The following DLGAP1 variants were observed in gnomAD, a reference collection of about 807,000 sequenced individuals.
DLGAP1 encodes the protein disks large-associated protein 1.
Under a neutral mutation model 90.8 loss-of-function variants are expected in DLGAP1, and 11 were observed. The observed-to-expected ratio is 0.12, with a 90% confidence interval of 0.08 to 0.20. DLGAP1 has a LOEUF of 0.20. Among genes scored for constraint, DLGAP1 ranks in the 10% least tolerant of loss-of-function variants. The pLI is 1.00. For missense variants in DLGAP1, 1,050 were observed against 1,333.8 expected, an observed-to-expected ratio of 0.79 and a Z score of 3.31; for synonymous variants, 558 against 540.7, an observed-to-expected ratio of 1.03 and a Z score of -0.44.
At chr18:3,823,121 C>T (rs992250555) in intron 4 of DLGAP1, among the ~76,000 whole-genome samples, 1 of 152,198 alleles carries the variant, frequency 6.6e-6, no homozygotes, top group African/African-American at 2.4e-5. Context: ...CCTGATTTTG[C>T]TTTGGGAAAA....
At chr18:3,843,507 T>C (rs1207271968) in intron 4 of DLGAP1, among the ~76,000 whole-genome samples, 1 of 152,202 alleles carries the variant, frequency 6.6e-6, no homozygotes, top group Non-Finnish European at 1.5e-5. Flanking sequence ...AAATTGAACA[T>C]AGATCAATCT....
At chr18:3,539,846 T>A (rs2052584463) in intron 9 of DLGAP1, among the ~76,000 whole-genome samples, 1 of 152,192 alleles carries the variant, frequency 6.6e-6, no homozygotes, top group South Asian at 2.1e-4. Flanking sequence ...AGTCTTTCCA[T>A]CATAGAATCC....
Position 3,707,737 on chromosome 18 carries a change from A to G in DLGAP1, c.1591+21398T>C, listed in dbSNP as rs566209492. Among the ~76,000 whole-genome samples, 35 of 152,298 alleles carry G rather than the reference A, an allele frequency of 2.3e-4. 1 individual carries two copies. In the South Asian group the frequency reaches 5.0e-3, roughly 22 times the overall value. On this transcript the variant is annotated intron_variant, in intron 7 of 12. Coordinates refer to ENST00000315677, the MANE Select transcript of DLGAP1 (RefSeq NM_004746.4). ...CATTGGTGCTGCGTTCCTGGAAGGT[A>G]GAAATCAGTTTCTATGAAGGCAAGG...
At chr18:4,377,724 A>T (rs531360165) in intron 1 of DLGAP1, among the ~76,000 whole-genome samples, 87 of 152,232 alleles carry the variant, frequency 5.7e-4, no homozygotes, top group African/African-American at 2.0e-3. Flanking sequence ...AAGCCAAAAA[A>T]ATTCTTAATA....
intron 7 of DLGAP1, among the ~76,000 whole-genome samples, chr18:3,720,908 A>AAAAAAAAAAAAAAAAAG: frequency 6.7e-6 from 1 of 149,758 alleles, no homozygotes; most frequent in Non-Finnish European, 1.5e-5. Flanking sequence ...AAAAAAAAAA[A>AAAAAAAAAAAAAAAAAG]ATTAGCTGGG....
intron 1 of DLGAP1, among the ~76,000 whole-genome samples, chr18:4,321,207 G>A (rs945286816): frequency 2.0e-5 from 3 of 152,120 alleles, no homozygotes; most frequent in Admixed American, 6.5e-5. Flanking sequence ...TTATAAATAT[G>A]TAAGATTAAT....
intron 1 of DLGAP1, among the ~76,000 whole-genome samples, chr18:4,167,005 T>C (rs1359890171): frequency 6.6e-6 from 1 of 152,158 alleles, no homozygotes; most frequent in Non-Finnish European, 1.5e-5. Context: ...GTACACTTAA[T>C]GATGGTTAAA....
intron 5 of DLGAP1, among the ~76,000 whole-genome samples, chr18:3,770,595 T>G (rs2064482760): frequency 6.6e-6 from 1 of 152,000 alleles, no homozygotes; most frequent in African/African-American, 2.4e-5. Flanking sequence ...AAATTTATAC[T>G]TAGAGAAAAT....
At chr18:4,052,317 T>C (rs112278031) in intron 2 of DLGAP1, among the ~76,000 whole-genome samples, 337 of 152,332 alleles carry the variant, frequency 2.2e-3, no homozygotes, top group African/African-American at 7.4e-3. Flanking sequence ...CATTTCCATA[T>C]GTCCTTTGAA....
chr18:3,854,538 A>G (rs2069519997), intron 4 of DLGAP1, among the ~76,000 whole-genome samples: 1 of 152,248 alleles, frequency 6.6e-6, no homozygotes, highest in African/African-American at 2.4e-5. Context: ...AATTATAGTA[A>G]TAAACGAATA....
At chr18:3,632,730 A>T (rs951501142) in intron 7 of DLGAP1, among the ~76,000 whole-genome samples, 3 of 152,042 alleles carry the variant, frequency 2.0e-5, no homozygotes, top group Admixed American at 1.3e-4. Flanking sequence ...TTATTTTGGA[A>T]GGTTATATGT....
intron 5 of DLGAP1, among the ~76,000 whole-genome samples, chr18:3,812,356 G>A (rs751657909): frequency 2.1e-5 from 3 of 140,518 alleles, no homozygotes; most frequent in Non-Finnish European, 4.7e-5. Flanking sequence ...ACTTGTTTCT[G>A]TTTTTTATTT....
At chr18:4,266,768 C>A (rs2145316396) in intron 1 of DLGAP1, among the ~76,000 whole-genome samples, 1 of 152,212 alleles carries the variant, frequency 6.6e-6, no homozygotes, top group South Asian at 2.1e-4. Context: ...CAACAATGAT[C>A]AAAAATCAAC....
At chr18:3,650,730 ATC>A (rs2059267656) in intron 7 of DLGAP1, among the ~76,000 whole-genome samples, 1 of 152,188 alleles carries the variant, frequency 6.6e-6, no homozygotes, top group Non-Finnish European at 1.5e-5. Flanking sequence ...GCTCTATCCT[ATC>A]TCTGTCAGTT....
rs2083923832 is a variant in DLGAP1, at chr18:4,454,580, G to A, written c.-267+426C>T. 6.6e-6 allele frequency among the ~76,000 whole-genome samples: 1 copy of A among 152,138 alleles called. No homozygotes were observed. The highest frequency in any genetic ancestry group is 1.5e-5 in the Non-Finnish European group (1 of 68,014). ...GGAGCCTGCCGAGAAAGCCCTGCGG[G>A]GAGCAGCCCCCTCCTCCCCTGCAAG... On this transcript the variant is annotated intron_variant, in intron 1 of 12. Transcript: ENST00000315677. This position sits in a 1 kb window ranked among gnomAD's most constrained non-coding sequence, Gnocchi z 4.7.
intron 9 of DLGAP1, among the ~76,000 whole-genome samples, chr18:3,563,848 A>G (rs2054286808): frequency 6.6e-6 from 1 of 152,170 alleles, no homozygotes; most frequent in South Asian, 2.1e-4. Flanking sequence ...AAGTTTAGAC[A>G]TTAGTGTCCA....
chr18:3,595,014 C>A (rs1368898227), intron 7 of DLGAP1, among the ~76,000 whole-genome samples: 5 of 152,140 alleles, frequency 3.3e-5, no homozygotes, highest in African/African-American at 9.7e-5. Flanking sequence ...CACCTCAAAG[C>A]TTTTATCTCT....
intron 1 of DLGAP1, among the ~76,000 whole-genome samples, chr18:4,346,147 G>C (rs1008220039): frequency 6.6e-6 from 1 of 152,158 alleles, no homozygotes; most frequent in African/African-American, 2.4e-5. Context: ...TAAACCTTAT[G>C]AATAGCAGTC....
At chr18:4,223,499 G>T (rs2078121901) in intron 1 of DLGAP1, among the ~76,000 whole-genome samples, 1 of 152,152 alleles carries the variant, frequency 6.6e-6, no homozygotes, top group Non-Finnish European at 1.5e-5. Context: ...GATGTGCAAA[G>T]ATCACAGTAT....
Sources: allele counts gnomAD v4.1 joint callset (sites outside exome capture counted in the v4.1 genomes callset), GRCh38; gene constraint gnomAD v4.1.1; non-coding constraint Gnocchi (gnomAD v3.1); transcripts MANE v1.5; gene names NCBI Gene and HGNC (gene_info 2026-07-23, HGNC 2026-07-21).